Variants in TNFRSF19 observed in about 807,000 individuals in gnomAD.
TNFRSF19 encodes the protein TNF receptor superfamily member 19.
TNFRSF19 carries 27 observed loss-of-function variants against 46.4 expected under a neutral mutation model. That is an observed-to-expected ratio of 0.58 (90% CI 0.43 to 0.80). The LOEUF (loss-of-function observed/expected upper bound fraction) is 0.80, where lower values mean the gene tolerates loss of function less well. Ranked by LOEUF, TNFRSF19 falls within the 30% of genes least tolerant of loss-of-function variation. TNFRSF19 has a pLI of 0.00. For missense variants in TNFRSF19, 511 were observed against 530.8 expected (o/e 0.96, Z 0.37); for synonymous variants, 204 against 205.0 (o/e 1.00, Z 0.04).
rs115301908 is a variant in TNFRSF19, at chr13:23,654,775, G to C, written c.446-4275G>C. 1.2e-3 allele frequency among the ~76,000 whole-genome samples: 183 copies of C among 152,292 alleles called. 1 individual carries two copies. The highest frequency in any genetic ancestry group is 4.0e-3 in the African/African-American group (168 of 41,550). ...TGCCTCTGCTTTGCTGTGTAACCTT[G>C]AGCATGTGACTCAAGGTCTTGATTT... On this transcript the variant is annotated intron_variant, in intron 5 of 9. Coordinates refer to ENST00000248484, the MANE Select transcript of TNFRSF19 (RefSeq NM_148957.4).
At chr13:23,587,763 C>T (rs1187867440) in intron 1 of TNFRSF19, among the ~76,000 whole-genome samples, 1 of 152,184 alleles carries the variant, frequency 6.6e-6, no homozygotes, top group African/African-American at 2.4e-5. Context: ...TCAGTTTTCT[C>T]TTCCATTATA....
At chr13:23,642,895 C>A (rs376401688) in intron 5 of TNFRSF19, among the ~76,000 whole-genome samples, 1 of 152,208 alleles carries the variant, frequency 6.6e-6, no homozygotes, top group African/African-American at 2.4e-5. Context: ...TGTAAGCCAA[C>A]TTTAATGTGT....
intron 3 of TNFRSF19, among the ~76,000 whole-genome samples, chr13:23,614,899 A>G (rs1009130580): frequency 6.6e-6 from 1 of 152,116 alleles, no homozygotes; most frequent in African/African-American, 2.4e-5. Context: ...CTGACGCTCT[A>G]TCCCCCAATC....
In TNFRSF19 at chr13:23,594,181, G is replaced by C. The variant is rs747440213; in HGVS notation, c.180+726G>C. 237 of 445,776 alleles carry C rather than the reference G, an allele frequency of 5.3e-4. 1 individual carries two copies. The highest frequency in any genetic ancestry group is 8.3e-4 in the Non-Finnish European group (185 of 223,184). 27.6% of individuals were successfully genotyped at this position (445,776 alleles called of 1,614,324 possible). A position where few individuals can be genotyped will look rare whatever the true frequency, so the allele number is the denominator to read the frequency against. On this transcript the variant is annotated intron_variant, in intron 3 of 9. Coordinates refer to ENST00000248484, the MANE Select transcript of TNFRSF19 (RefSeq NM_148957.4). ...TAAGCACAAAACTGGGCAGCTGTTT[G>C]GGCAGACACTGAGCTAGCTGCAGGA...
chr13:23,616,161 G>A lies in TNFRSF19; in HGVS notation c.359+116G>A, dbSNP rs745670441. The A allele has an allele frequency of 4.8e-5, 54 of 1,119,622 alleles. 1 individual carries two copies. Among genetic ancestry groups the A allele is most frequent in the Non-Finnish European group, 6.6e-5 (53 of 808,448 alleles). 69.4% of individuals were successfully genotyped at this position (1,119,622 alleles called of 1,614,324 possible). A position where few individuals can be genotyped will look rare whatever the true frequency, so the allele number is the denominator to read the frequency against. ...TGCTGGTATTAACCTGAAGATGCTG[G>A]TGGAGTATTTGTGACTTCTTTCAGT... is the stretch of plus-strand genomic sequence containing the variant. On this transcript the variant is annotated intron_variant, in intron 4 of 9. Coordinates refer to ENST00000248484, the MANE Select transcript of TNFRSF19 (RefSeq NM_148957.4).
intron 4 of TNFRSF19, among the ~76,000 whole-genome samples, chr13:23,625,682 C>T (rs1391300200): frequency 6.6e-6 from 1 of 152,022 alleles, no homozygotes; most frequent in African/African-American, 2.4e-5. Flanking sequence ...GGATGAGTTT[C>T]TAAATATGAA....
At chr13:23,600,224 T>A (rs1880035166) in intron 3 of TNFRSF19, among the ~76,000 whole-genome samples, 1 of 152,194 alleles carries the variant, frequency 6.6e-6, no homozygotes, top group Non-Finnish European at 1.5e-5. Context: ...TGTCACTCTA[T>A]CCCAACAGGA....
At chr13:23,642,084 G>A (rs1460134102) in intron 5 of TNFRSF19, among the ~76,000 whole-genome samples, 1 of 152,204 alleles carries the variant, frequency 6.6e-6, no homozygotes, top group African/African-American at 2.4e-5. Context: ...ACCATCATAA[G>A]TTGAGGATTA....
chr13:23,614,134 T>C (rs1252053456), intron 3 of TNFRSF19, among the ~76,000 whole-genome samples: 1 of 152,206 alleles, frequency 6.6e-6, no homozygotes, highest in East Asian at 1.9e-4. Context: ...TAGAACATTG[T>C]GTGGCTGGAG....
chr13:23,600,729 C>G (rs1238381298), intron 3 of TNFRSF19, among the ~76,000 whole-genome samples: 3 of 152,104 alleles, frequency 2.0e-5, no homozygotes, highest in Non-Finnish European at 4.4e-5. Flanking sequence ...GCCATTCTCT[C>G]CCATTTAAGG....
chr13:23,584,889 T>C (rs983061207), intron 1 of TNFRSF19, among the ~76,000 whole-genome samples: 1 of 152,178 alleles, frequency 6.6e-6, no homozygotes, highest in Non-Finnish European at 1.5e-5. Flanking sequence ...TTTCAGAATA[T>C]AGTGAGATTG....
intron 5 of TNFRSF19, among the ~76,000 whole-genome samples, chr13:23,648,629 GAA>G (rs1370039058): frequency 6.6e-6 from 1 of 152,136 alleles, no homozygotes; most frequent in African/African-American, 2.4e-5. Flanking sequence ...ATATTAAGTA[GAA>G]TTGGTAAAAG....
chr13:23,636,560 C>T (rs749376926), intron 5 of TNFRSF19, among the ~76,000 whole-genome samples: 10 of 152,158 alleles, frequency 6.6e-5, no homozygotes, highest in Non-Finnish European at 1.3e-4. Flanking sequence ...TCCCAGTTCT[C>T]AGGGAGTTAA....
chr13:23,615,984 C>T lies in TNFRSF19; in HGVS notation c.298C>T (p.Arg100Cys), dbSNP rs149498209. 56 of 1,613,242 alleles carry T rather than the reference C, an allele frequency of 3.5e-5. No homozygotes were observed. Among genetic ancestry groups the T allele is most frequent in the Non-Finnish European group, 4.4e-5 (52 of 1,179,432 alleles). ...CTGTCTGGACTGCGCAGTGGTGAAC[C>T]GCTTTCAGAAGGCAAATTGTTCAGC... ...KPCLDCAVVNRFQKANCSATS... is the reference protein window; with the variant it reads ...KPCLDCAVVNCFQKANCSATS... The change falls in exon 4 of 10, where the codon CGC becomes TGC. Residue 100 changes from arginine (R) to cysteine (C), a missense_variant. Transcript: ENST00000248484.
chr13:23,652,959 A>G (rs967534846), intron 5 of TNFRSF19, among the ~76,000 whole-genome samples: 1 of 152,228 alleles, frequency 6.6e-6, no homozygotes, highest in African/African-American at 2.4e-5. Context: ...TAGGATAAAT[A>G]CTAAGCTGCT....
intron 2 of TNFRSF19, among the ~76,000 whole-genome samples, chr13:23,591,308 C>G (rs1036109520): frequency 9.9e-5 from 15 of 151,980 alleles, no homozygotes; most frequent in African/African-American, 3.6e-4. Context: ...CAAAAATTAC[C>G]TGGGTGTGGT....
At chr13:23,615,095 A>T (rs553032059) in intron 3 of TNFRSF19, among the ~76,000 whole-genome samples, 2 of 152,340 alleles carry the variant, frequency 1.3e-5, no homozygotes, top group Non-Finnish European at 2.9e-5. Context: ...ATTGTCGTGA[A>T]CACAGATCAC....
intron 1 of TNFRSF19, chr13:23,579,428 C>G (rs1256314037): frequency 2.0e-5 from 3 of 152,672 alleles, no homozygotes; most frequent in Admixed American, 1.3e-4. Flanking sequence ...TGGACTGGAC[C>G]CCCATGCAAC....
chr13:23,577,168 T>C (rs753229109), intron 1 of TNFRSF19, among the ~76,000 whole-genome samples: 26 of 152,236 alleles, frequency 1.7e-4, no homozygotes, highest in Admixed American at 7.2e-4. Flanking sequence ...CAGGTTGGCA[T>C]TGGGACCAGA....
Sources: gnomAD v4.1 joint callset for allele counts (sites outside exome capture counted in the v4.1 genomes callset) on GRCh38, gnomAD v4.1.1 for gene constraint, MANE v1.5 for transcripts, NCBI Gene and HGNC (gene_info 2026-07-23, HGNC 2026-07-21) for gene names.